Variants in UBN1 observed in about 807,000 individuals in gnomAD.
UBN1 encodes ubinuclein 1.
A neutral mutation model predicts 108.5 loss-of-function variants in UBN1; 17 were observed. The ratio of observed to expected loss-of-function variants is 0.16; its 90% CI spans 0.11 to 0.24. The LOEUF (loss-of-function observed/expected upper bound fraction) is 0.24. UBN1 is among the 10% of genes least tolerant of loss of function. The pLI, the probability that UBN1 is intolerant of heterozygous loss-of-function variation, is 1.00. For missense variants in UBN1, 1,595 were observed against 1,394.4 expected (o/e 1.14, Z -2.29); for synonymous variants, 726 against 564.2 (o/e 1.29, Z -4.07).
intron 7 of UBN1, among the ~76,000 whole-genome samples, chr16:4,868,105 G>A (rs1471698451): frequency 1.3e-5 from 2 of 152,152 alleles, no homozygotes; most frequent in African/African-American, 4.8e-5. Context: ...GCAACCAAGT[G>A]TGAGAACCCT....
chr16:4,853,981 C>T (rs2142123826), intron 2 of UBN1, among the ~76,000 whole-genome samples: 1 of 152,286 alleles, frequency 6.6e-6, no homozygotes, highest in Middle Eastern at 3.4e-3. Context: ...TACCTCAATA[C>T]TTATGGGCAA....
chr16:4,871,376 A>G lies in UBN1; in HGVS notation c.1706+75A>G, dbSNP rs373688859. ...AACGCTGCTTTTGTGCCAGGCCAAC[A>G]GGATCCTTGCTCACAGGGAGTCACT... is the stretch of plus-strand genomic sequence containing the variant. On this transcript the variant is annotated intron_variant, in intron 12 of 17. Coordinates refer to ENST00000262376, the MANE Select transcript of UBN1 (RefSeq NM_001079514.3). 2.1e-5 allele frequency: 32 copies of G among 1,549,992 alleles called. No individual in the cohort carries two copies. In the East Asian group the frequency reaches 2.7e-4, roughly 13 times the overall value.
At chr16:4,876,488 A>C (rs2087891497) in intron 15 of UBN1, among the ~76,000 whole-genome samples, 1 of 152,016 alleles carries the variant, frequency 6.6e-6, no homozygotes, top group Non-Finnish European at 1.5e-5. Flanking sequence ...AATATCCATG[A>C]ACATTTATGG....
chr16:4,858,855 G>C (rs755067527), intron 4 of UBN1, 170 bp from the exon 5 acceptor site: 3 of 1,017,310 alleles, frequency 2.9e-6, no homozygotes. Context: ...GTGATGACCA[G>C]ATCTGTCCAA....
chr16:4,868,457 C>T (rs1282727926), intron 7 of UBN1, among the ~76,000 whole-genome samples: 1 of 152,136 alleles, frequency 6.6e-6, no homozygotes, highest in East Asian at 1.9e-4. Context: ...GGTTGAAGTT[C>T]TTGAATATTT....
Position 4,868,834 on chromosome 16 carries a change from C to A in UBN1, c.1112C>A (p.Ala371Asp). ...CTGTTACTGTCTGCTGTGCACCAGGCTGCCAGAGCTGCTGAGGGGGAGAGC... is the reference window on the plus strand; with the variant it reads ...CTGTTACTGTCTGCTGTGCACCAGGATGCCAGAGCTGCTGAGGGGGAGAGC... Reference protein sequence around the residue: ...LEKRVKELAQAARAAEGESRQ... With the variant: ...LEKRVKELAQDARAAEGESRQ... The change falls in exon 8 of 18, where the codon GCT becomes GAT. Residue 371 changes from alanine (A) to aspartate (D), a missense_variant and splice_region_variant. This residue lies in a region of UBN1 where 1,398 missense variants were observed against 1,194.7 expected (regional missense o/e 1.17). Transcript: ENST00000262376. 1 of 1,613,748 alleles carries A rather than the reference C, an allele frequency of 6.2e-7. No individual in the cohort carries two copies. The highest frequency in any genetic ancestry group is 8.5e-7 in the Non-Finnish European group (1 of 1,179,776).
chr16:4,856,874 G>T (rs2086835926), intron 2 of UBN1, among the ~76,000 whole-genome samples: 1 of 152,196 alleles, frequency 6.6e-6, no homozygotes, highest in Non-Finnish European at 1.5e-5. Flanking sequence ...ATATCCCATT[G>T]TATGTGTACA....
At chr16:4,873,687 C>G (rs1390160228) in intron 14 of UBN1, among the ~76,000 whole-genome samples, 1 of 152,194 alleles carries the variant, frequency 6.6e-6, no homozygotes, top group Admixed American at 6.5e-5. Flanking sequence ...CCCAGACACA[C>G]TGTATTAAGC....
rs2087557627 is a variant in UBN1, at chr16:4,870,236, G to A, written c.1206G>A (p.Leu402=). 3 of 1,614,226 alleles carry A rather than the reference G, an allele frequency of 1.9e-6. No homozygotes were observed. Among genetic ancestry groups the A allele is most frequent in the Non-Finnish European group, 2.5e-6 (3 of 1,180,044 alleles). The part of the protein sequence containing the change: ...LLDIEAQTRE[L]SSQVRSGVYA... The stretch of plus-strand genomic sequence containing the variant: ...GCATAGAGGCGCAGACTCGGGAGCT[G>A]AGCAGTCAGGTCCGCTCTGGGGTGT... The change falls in exon 9 of 18, where the codon CTG becomes CTA. Residue 402 remains leucine (L), a synonymous_variant. Coordinates refer to ENST00000262376, the MANE Select transcript of UBN1 (RefSeq NM_001079514.3).
intron 15 of UBN1, among the ~76,000 whole-genome samples, chr16:4,875,740 C>T (rs1279032315): frequency 6.6e-6 from 1 of 152,194 alleles, no homozygotes; most frequent in Non-Finnish European, 1.5e-5. Flanking sequence ...CAGCCCTTGC[C>T]TTCCGTGACC....
chr16:4,863,569 T>A (rs751843827), intron 7 of UBN1, among the ~76,000 whole-genome samples: 1 of 152,192 alleles, frequency 6.6e-6, no homozygotes, highest in Non-Finnish European at 1.5e-5. Context: ...ACTGGGACAT[T>A]AGCAGTGTTA....
intron 17 of UBN1, among the ~76,000 whole-genome samples, chr16:4,879,859 G>A (rs1394810245): frequency 6.6e-6 from 1 of 152,044 alleles, no homozygotes; most frequent in African/African-American, 2.4e-5. Context: ...TGTGCTGAGT[G>A]ACCACCGACC....
chr16:4,853,287 GTCAC>G, intron 2 of UBN1, 121 bp downstream of exon 2: 1 of 1,360,880 alleles, frequency 7.3e-7, no homozygotes, highest in East Asian at 2.4e-5. Context: ...CCAAGATCCT[GTCAC>G]TCACTCAAGG....
rs1596514433 is a variant in UBN1 at position 4,870,771 on chromosome 16, G to C, written c.1431-73G>C. The C allele has an allele frequency of 1.9e-6, 3 of 1,603,218 alleles. No individual in the cohort carries two copies. In the South Asian group the frequency reaches 3.4e-5, roughly 18 times the overall value. ...TTTTCTCCTTCTCTGTGAAGTCCCA[G>C]TAGTGCAGAGTGAGGGGAGAGGCGG... On this transcript the variant is annotated intron_variant, in intron 10 of 17. Transcript: ENST00000262376.
In UBN1 at chr16:4,875,145, G is replaced by A. The variant is rs1231038111; in HGVS notation, c.2735G>A (p.Gly912Glu). 5 of 1,614,100 alleles carry A rather than the reference G, an allele frequency of 3.1e-6. No individual in the cohort carries two copies. The South Asian group carries it at 3.3e-5, about 11-fold the overall frequency. ...TTTGCCAGCTCAATCTCCAAACATG[G>A]GGTTTCTTCTGGCAGCTCTTCCTCG... ...NPFASSISKHGVSSGSSSSGG... is the reference protein window; with the variant it reads ...NPFASSISKHEVSSGSSSSGG... The change falls in exon 15 of 18, where the codon GGG becomes GAG. Residue 912 changes from glycine to glutamate, a missense_variant. By Grantham distance (98) the Gly-to-Glu change is moderately conservative. Transcript: ENST00000262376.
chr16:4,862,311 A>G (rs986140838), intron 7 of UBN1, among the ~76,000 whole-genome samples: 1 of 152,242 alleles, frequency 6.6e-6, no homozygotes, highest in Admixed American at 6.5e-5. Context: ...AACACCATAT[A>G]CAAAGCAAAT....
chr16:4,877,825 G>C lies in UBN1; in HGVS notation c.3355+351G>C. 9.8e-7 allele frequency: 1 copy of C among 1,023,984 alleles called. No individual in the cohort carries two copies. Among genetic ancestry groups the C allele is most frequent in the South Asian group, 4.6e-5 (1 of 21,656 alleles). The allele number at this position is 1,023,984 out of a possible 1,614,324, so 63.4% of individuals were successfully genotyped here. A position where few individuals can be genotyped will look rare whatever the true frequency, so the allele number is the denominator to read the frequency against. On this transcript the variant is annotated intron_variant, in intron 17 of 17. Transcript: ENST00000262376. The surrounding 1 kb of genome is among the most constrained non-coding windows in gnomAD (Gnocchi z 4.3). ...AAAAAAAAAAAAAAGGGAAGGTAATGGTGCATCTTCTCCAAGGGCTAATTG... is the reference window on the plus strand; with the variant it reads ...AAAAAAAAAAAAAAGGGAAGGTAATCGTGCATCTTCTCCAAGGGCTAATTG...
chr16:4,864,185 C>T (rs993684553), intron 7 of UBN1, among the ~76,000 whole-genome samples: 5 of 144,520 alleles, frequency 3.5e-5, no homozygotes, highest in Non-Finnish European at 7.5e-5. Flanking sequence ...CTTCTGGGTT[C>T]AAGTGATTCT....
At chr16:4,866,404 A>T (rs1222940881) in intron 7 of UBN1, among the ~76,000 whole-genome samples, 1 of 152,240 alleles carries the variant, frequency 6.6e-6, no homozygotes, top group Non-Finnish European at 1.5e-5. Flanking sequence ...GCCGTTTTAC[A>T]GTAGTATCTT....
Sources: gnomAD v4.1 joint callset for allele counts (sites outside exome capture counted in the v4.1 genomes callset) on GRCh38, gnomAD v4.1.1 for gene constraint, gnomAD v4.1.1 regional missense constraint, Gnocchi (gnomAD v3.1) non-coding constraint, MANE v1.5 for transcripts, NCBI Gene and HGNC (gene_info 2026-07-23, HGNC 2026-07-21) for gene names.